The following SLC2A9 variants were observed in gnomAD, a reference collection of about 807,000 sequenced individuals.
The protein encoded by SLC2A9 is solute carrier family 2 member 9.
A neutral mutation model predicts 50.6 loss-of-function variants in SLC2A9; 39 were observed. The observed-to-expected ratio is 0.77, with a 90% CI of 0.60 to 1.01. The LOEUF is 1.01. Ranked by LOEUF, SLC2A9 falls within the 50% of genes least tolerant of loss-of-function variation. SLC2A9 has a pLI of 0.00. For missense variants in SLC2A9, 686 were observed against 677.6 expected, an observed-to-expected ratio of 1.01 and a Z score of -0.14; for synonymous variants, 324 against 276.9, an observed-to-expected ratio of 1.17 and a Z score of -1.69.
At chr4:10,036,135 C>T (rs1335337556) in intron 1 of SLC2A9, 1 of 174,106 alleles carries the variant, frequency 5.7e-6, no homozygotes, top group African/African-American at 2.4e-5. Context: ...GTTAGCTGTC[C>T]ACGTCCTGTG....
chr4:9,878,933 TAC>T (rs1734736206), intron 10 of SLC2A9: 25 of 619,022 alleles, frequency 4.0e-5, no homozygotes, highest in South Asian at 7.2e-5. Context: ...GGTGTCAAAA[TAC>T]ACACACACAT....
At chr4:10,020,039 AGTGTGTGTGT>A (rs112964589) in intron 1 of SLC2A9, among the ~76,000 whole-genome samples, 583 of 148,084 alleles carry the variant, frequency 3.9e-3, no homozygotes, top group African/African-American at 0.014. Context: ...CATATTTGTG[AGTGTGTGTGT>A]GTGTGTGTGT....
rs75315521 is a variant in SLC2A9 at position 9,830,460 on chromosome 4, C to T, written c.1420-3860G>A. Among the ~76,000 whole-genome samples the T allele has an allele frequency of 8.7e-3, 1,330 of 152,246 alleles. 17 individuals carry two copies. The highest frequency in any genetic ancestry group is 0.028 in the African/African-American group (1,156 of 41,522). The stretch of plus-strand genomic sequence containing the variant: ...GGTTGATCTGTGTAGCAAACCACCA[C>T]GGCATGTGTTTACTTGTGTAACAAA... On this transcript the variant is annotated intron_variant, in intron 11 of 11. Transcript: ENST00000264784.
At chr4:9,972,415 G>T (rs1168622436) in intron 5 of SLC2A9, among the ~76,000 whole-genome samples, 5 of 152,102 alleles carry the variant, frequency 3.3e-5, no homozygotes, top group Non-Finnish European at 7.4e-5. Flanking sequence ...TAAATGTTCA[G>T]CCATGACAAT....
intron 3 of SLC2A9, among the ~76,000 whole-genome samples, chr4:9,819,438 C>T (rs988028907): frequency 6.6e-6 from 1 of 152,118 alleles, no homozygotes; most frequent in Non-Finnish European, 1.5e-5. Flanking sequence ...AATCATGAAC[C>T]ACCTTTCTTC....
chr4:9,895,115 C>T (rs1738282113), intron 8 of SLC2A9, among the ~76,000 whole-genome samples: 2 of 152,200 alleles, frequency 1.3e-5, no homozygotes, highest in Non-Finnish European at 2.9e-5. Flanking sequence ...TTATCTTACA[C>T]CATGATGCTG....
chr4:9,932,575 G>C (rs1746343376), intron 6 of SLC2A9, among the ~76,000 whole-genome samples: 1 of 152,244 alleles, frequency 6.6e-6, no homozygotes, highest in Non-Finnish European at 1.5e-5. Flanking sequence ...TTTTTGAGAA[G>C]ATGCTATTTC....
intron 5 of SLC2A9, among the ~76,000 whole-genome samples, chr4:9,967,140 T>C (rs1470395297): frequency 6.6e-6 from 1 of 152,218 alleles, no homozygotes; most frequent in Admixed American, 6.5e-5. Flanking sequence ...AATGAATACA[T>C]TAGTTTGAAT....
chr4:9,897,674 G>T lies in SLC2A9; in HGVS notation c.1114-6963C>A, dbSNP rs553024275. Among the ~76,000 whole-genome samples the T allele has an allele frequency of 3.4e-4, 52 of 152,200 alleles. No individual in the cohort carries two copies. The South Asian group carries it at 5.4e-3, about 16-fold the overall frequency. ...GGCCAAAATGGGTGGATTACTTGAG[G>T]TCAGGAGTTCGAGACCAGCCTGGCC... On this transcript the variant is annotated intron_variant, in intron 8 of 11. Coordinates refer to ENST00000264784, the MANE Select transcript of SLC2A9 (RefSeq NM_020041.3).
chr4:10,032,595 T>A (rs1763971009), intron 1 of SLC2A9, among the ~76,000 whole-genome samples: 1 of 152,042 alleles, frequency 6.6e-6, no homozygotes, highest in Non-Finnish European at 1.5e-5. Context: ...TTGGCCCACA[T>A]AAAAGATGAT....
intron 10 of SLC2A9, among the ~76,000 whole-genome samples, chr4:9,849,568 GC>G (rs1257460160): frequency 2.6e-5 from 4 of 152,272 alleles, no homozygotes; most frequent in African/African-American, 9.6e-5. Context: ...GAATCAATAG[GC>G]TTGAACATTA....
intron 1 of SLC2A9, among the ~76,000 whole-genome samples, chr4:9,773,069 C>A (rs944426311): frequency 2.0e-5 from 3 of 152,164 alleles, no homozygotes; most frequent in African/African-American, 7.2e-5. Flanking sequence ...CTACAGAGTG[C>A]TGCCTTTCAA....
At chr4:9,839,199 A>G (rs1727596981) in intron 10 of SLC2A9, among the ~76,000 whole-genome samples, 1 of 152,248 alleles carries the variant, frequency 6.6e-6, no homozygotes, top group East Asian at 1.9e-4. Flanking sequence ...TTTTCAAAAG[A>G]AGACATACAT....
At chr4:9,947,098 C>T (rs145998873) in intron 5 of SLC2A9, among the ~76,000 whole-genome samples, 26 of 152,298 alleles carry the variant, frequency 1.7e-4, no homozygotes, top group African/African-American at 6.3e-4. Context: ...CCCAGGCTTG[C>T]TAGCCAGTGT....
chr4:10,019,155 T>TG (rs1763177718), intron 1 of SLC2A9, 82 bp from the exon 2 acceptor site: 13 of 1,128,838 alleles, frequency 1.2e-5, no homozygotes, highest in Non-Finnish European at 1.7e-5. Context: ...TTCCCTCAGC[T>TG]GGGGGAGGCC....
At chr4:9,966,282 A>G (rs1022804810) in intron 5 of SLC2A9, among the ~76,000 whole-genome samples, 1 of 152,224 alleles carries the variant, frequency 6.6e-6, no homozygotes, top group Non-Finnish European at 1.5e-5. Flanking sequence ...ACTAAACTAC[A>G]TGAATAATTA....
At chr4:9,787,361 A>G (rs1719354476) in intron 3 of SLC2A9, among the ~76,000 whole-genome samples, 1 of 152,240 alleles carries the variant, frequency 6.6e-6, no homozygotes, top group Non-Finnish European at 1.5e-5. Context: ...TTATTTTTAA[A>G]CACTTGTTCT....
intron 5 of SLC2A9, among the ~76,000 whole-genome samples, chr4:9,967,281 G>A (rs1753193100): frequency 6.6e-6 from 1 of 151,952 alleles, no homozygotes; most frequent in South Asian, 2.1e-4. Context: ...AGTTATAAAT[G>A]GAATGAACCA....
intron 3 of SLC2A9, among the ~76,000 whole-genome samples, chr4:9,799,742 T>C (rs1431921377): frequency 7.8e-6 from 1 of 127,820 alleles, no homozygotes; most frequent in African/African-American, 3.0e-5. Flanking sequence ...CCCTATGTAA[T>C]CTCATGACCT....
Sources: gnomAD v4.1 joint callset for allele counts (sites outside exome capture counted in the v4.1 genomes callset) on GRCh38, gnomAD v4.1.1 for gene constraint, MANE v1.5 for transcripts, NCBI Gene and HGNC (gene_info 2026-07-23, HGNC 2026-07-21) for gene names.